CSF2RB: variants seen among roughly 807,000 people sequenced by gnomAD.
CSF2RB encodes colony stimulating factor 2 receptor subunit beta, also known as cytokine receptor common subunit beta.
Under a neutral mutation model 67.2 loss-of-function variants are expected in CSF2RB, and 22 were observed. That is an observed-to-expected ratio of 0.33 (90% CI 0.23 to 0.47). The LOEUF (loss-of-function observed/expected upper bound fraction) is 0.47, where lower values mean the gene tolerates loss of function less well. Ranked by LOEUF, CSF2RB falls within the 20% of genes least tolerant of loss-of-function variation. The pLI is 1.00. For synonymous variants in CSF2RB, 507 were observed against 482.9 expected, an observed-to-expected ratio of 1.05 and a Z score of -0.65; for missense variants, 1,113 against 1,174.5, an observed-to-expected ratio of 0.95 and a Z score of 0.76.
rs545314007 is a variant in CSF2RB at position 36,920,113 on chromosome 22, T to G, written c.-172-1923T>G. 8.5e-5 allele frequency among the ~76,000 whole-genome samples: 13 copies of G among 152,344 alleles called. 1 individual carries two copies. In the South Asian group the frequency reaches 1.9e-3, roughly 22 times the overall value. ...GGAGCTTCTAGTGGTAACCTATACA[T>G]AGATGTATTCATATCCGTAAAACCT... On this transcript the variant is annotated intron_variant, in intron 1 of 13. Transcript: ENST00000403662.
At position 36,937,596 on chromosome 22, in the gene CSF2RB, G is replaced by A. The variant is rs761125886; in HGVS notation, c.1788G>A (p.Pro596=). The A allele has an allele frequency of 1.2e-5, 19 of 1,587,530 alleles. No homozygotes were observed. The highest frequency in any genetic ancestry group is 7.2e-5 in the Admixed American group (4 of 55,402). Residue 596 remains proline (P), a synonymous_variant, in exon 14 of 14, where the codon CCG becomes CCA. Transcript: ENST00000403662. The surrounding 1 kb of genome is among the most constrained non-coding windows in gnomAD (Gnocchi z 4.6). The stretch of plus-strand genomic sequence containing the variant: ...ACTTCAATGGGCCCTACCTGGGGCC[G>A]CCCCACAGCCGCTCCCTACCTGACA... ...SFDFNGPYLG[P]PHSRSLPDIL...
chr22:36,922,851 G>C, intron 2 of CSF2RB: 1 of 318,636 alleles, frequency 3.1e-6, no homozygotes, highest in Non-Finnish European at 6.0e-6. Context: ...GTGGGAGGTT[G>C]CAGGGTAGAA....
At chr22:36,923,538 C>T (rs1046576019) in intron 3 of CSF2RB, among the ~76,000 whole-genome samples, 171 bp downstream of exon 3, 3 of 152,184 alleles carry the variant, frequency 2.0e-5, no homozygotes, top group East Asian at 1.9e-4. Flanking sequence ...CAGGCACCTG[C>T]GAGGCCGGGT....
rs544240259 is a variant in CSF2RB at position 36,923,092 on chromosome 22, T to A, written c.77-152T>A. 145 of 1,100,424 alleles carry A rather than the reference T, an allele frequency of 1.3e-4. 1 individual carries two copies. The highest frequency in any genetic ancestry group is 8.4e-4 in the South Asian group (62 of 74,046). The allele number at this position is 1,100,424 out of a possible 1,614,324, so 68.2% of individuals were successfully genotyped here. The stretch of plus-strand genomic sequence containing the variant: ...AACCAGGAGCCCACCCCGGCAGACA[T>A]GAACACATGTACATGTGCCTGGCCA... On this transcript the variant is annotated intron_variant, in intron 2 of 13. Coordinates refer to ENST00000403662, the MANE Select transcript of CSF2RB (RefSeq NM_000395.3).
chr22:36,938,927 G>A lies in CSF2RB; in HGVS notation c.*425G>A. 3.4e-6 allele frequency: 2 copies of A among 594,184 alleles called. No individual in the cohort carries two copies. Among genetic ancestry groups the A allele is most frequent in the Non-Finnish European group, 6.0e-6 (2 of 332,686 alleles). The allele number at this position is 594,184 out of a possible 1,614,324, so 36.8% of individuals were successfully genotyped here. Reference sequence around the variant, plus strand: ...CTGAGATGCGGCTGGTTGTGTTGAGGACTTGTGTGGGCTGCCTGTCCCCGG... The same window carrying A: ...CTGAGATGCGGCTGGTTGTGTTGAGAACTTGTGTGGGCTGCCTGTCCCCGG... On this transcript the variant is annotated 3_prime_UTR_variant, in exon 14 of 14. Coordinates refer to ENST00000403662, the MANE Select transcript of CSF2RB (RefSeq NM_000395.3).
In CSF2RB at chr22:36,938,692, GACACACACACACAC is replaced by G. The variant is rs555525962; in HGVS notation, c.*193_*206del. The G allele has an allele frequency of 2.0e-5, 12 of 592,198 alleles. No homozygotes were observed. The Admixed American group carries it at 2.1e-4, about 10-fold the overall frequency. The allele number at this position is 592,198 out of a possible 1,614,324, so 36.7% of individuals were successfully genotyped here. On this transcript the variant is annotated 3_prime_UTR_variant, in exon 14 of 14. Transcript: ENST00000403662. ...TCACTTCTCTCCCTGCGCTCACACA[GACACACACACACAC>G]ACGTACATGCACACATTTTTCCTGT...
chr22:36,932,009 G>A (rs117511880), intron 8 of CSF2RB, among the ~76,000 whole-genome samples: 3,375 of 152,278 alleles, frequency 0.022, 41 homozygotes, highest in Middle Eastern at 0.044. Context: ...CTTTCCTTAG[G>A]GCAAGTTACT....
chr22:36,929,057 C>A (rs114014102), intron 4 of CSF2RB, among the ~76,000 whole-genome samples: 2 of 152,302 alleles, frequency 1.3e-5, no homozygotes, highest in African/African-American at 4.8e-5. Flanking sequence ...GCCGCTGAAC[C>A]GCAGGCCCCT....
At chr22:36,930,853 G>T (rs772019495) in intron 8 of CSF2RB, 23 bp downstream of exon 8, 41 of 1,613,858 alleles carry the variant, frequency 2.5e-5, no homozygotes, top group Non-Finnish European at 3.4e-5. Flanking sequence ...CTAGCCCGCT[G>T]TGGGGATGGT....
Position 36,939,467 on chromosome 22 carries a change from A to AT in CSF2RB, c.*966dup. On this transcript the variant is annotated 3_prime_UTR_variant, in exon 14 of 14. Transcript: ENST00000403662. ...CAACTCTCCCTCCCACCGGCCACAG[A>AT]TGAGGGGCTGCTGATCTATGCCTGG... 1.8e-6 allele frequency: 1 copy of AT among 544,130 alleles called. No individual in the cohort carries two copies. The highest frequency in any genetic ancestry group is 3.3e-6 in the Non-Finnish European group (1 of 301,752). 33.7% of individuals were successfully genotyped at this position (544,130 alleles called of 1,614,324 possible).
rs753691107 is a variant in CSF2RB at position 36,933,867 on chromosome 22, C to T, written c.1188C>T (p.Ser396=). 32 of 1,610,446 alleles carry T rather than the reference C, an allele frequency of 2.0e-5. No homozygotes were observed. In the Middle Eastern group the frequency reaches 8.2e-4, roughly 41 times the overall value. Residue 396 remains serine, a synonymous_variant, in exon 10 of 14, where the codon AGC becomes AGT. Transcript: ENST00000403662. The part of the protein sequence containing the change: ...SKTETLQNAH[S]MALPALEPST... ...CCGAGACCCTCCAGAACGCCCACAG[C>T]ATGGCCCTGCCAGCCCTGGAGCCCT...
In CSF2RB at chr22:36,932,881, A is replaced by C; in HGVS notation, c.1129A>C (p.Arg377=). 6.2e-7 allele frequency: 1 copy of C among 1,614,158 alleles called. No individual in the cohort carries two copies. The highest frequency in any genetic ancestry group is 2.2e-5 in the East Asian group (1 of 44,890). Residue 377 remains arginine, a synonymous_variant, in exon 9 of 14, where the codon AGG becomes CGG. Coordinates refer to ENST00000403662, the MANE Select transcript of CSF2RB (RefSeq NM_000395.3). The part of the protein sequence containing the change: ...HIDHTFEIQY[R]KDTATWKDSK... ...AGACCACACATTTGAGATCCAGTAC[A>C]GGAAAGACACGGCCACGTGGAAGGT... is the stretch of plus-strand genomic sequence containing the variant.
rs1941273889 is a variant in CSF2RB at position 36,936,651 on chromosome 22, G to A, written c.1567G>A (p.Gly523Arg). Residue 523 changes from glycine to arginine, a missense_variant and splice_region_variant, in exon 13 of 14, where the codon GGG (glycine) becomes AGG (arginine). By Grantham distance (125) the Gly-to-Arg change is moderately radical (BLOSUM62 -2). Around this residue, in one of 2 missense-constraint regions of CSF2RB, gnomAD observed 554 missense variants for 517.9 expected, o/e 1.07. Coordinates refer to ENST00000403662, the MANE Select transcript of CSF2RB (RefSeq NM_000395.3). ...PWGSRFPELE[G>R]VFPVGFGDSE... is the part of the protein sequence containing the mutation. ...GGGCAGCCGCTTCCCTGAGCTGGAGGGGTGAGTGGGCTCGTGGATCACTCC... is the reference window on the plus strand; with the variant it reads ...GGGCAGCCGCTTCCCTGAGCTGGAGAGGTGAGTGGGCTCGTGGATCACTCC... 3 of 1,612,402 alleles carry A rather than the reference G, an allele frequency of 1.9e-6. No homozygotes were observed. The highest frequency in any genetic ancestry group is 2.5e-6 in the Non-Finnish European group (3 of 1,179,292).
chr22:36,924,127 G>T (rs114063448), intron 3 of CSF2RB, among the ~76,000 whole-genome samples: 1 of 112,268 alleles, frequency 8.9e-6, no homozygotes. Context: ...CCCCTCCACC[G>T]CCTTCAGTTC....
rs5750339 is a variant in CSF2RB at position 36,923,547 on chromosome 22, G to C, written c.200+180G>C. ...CTCCGCCAGGCACCTGCGAGGCCGG[G>C]TGCTGCCGTCTGACCTGGGGTTTCT... On this transcript the variant is annotated intron_variant, in intron 3 of 13. Coordinates refer to ENST00000403662, the MANE Select transcript of CSF2RB (RefSeq NM_000395.3). Among the ~76,000 whole-genome samples the C allele has an allele frequency of 0.51, 77,960 of 152,124 alleles. 20,723 individuals carry two copies. The highest frequency in any genetic ancestry group is 0.62 in the Admixed American group (9,460 of 15,302).
At chr22:36,930,612 A>T (rs1038250280) in intron 7 of CSF2RB, 61 bp from the exon 8 acceptor site, 38 of 1,610,896 alleles carry the variant, frequency 2.4e-5, no homozygotes, top group Non-Finnish European at 3.2e-5. Context: ...GCCCACCCTA[A>T]GCTCTCCTCC....
chr22:36,923,683 G>A, intron 3 of CSF2RB: 1 of 1,353,722 alleles, frequency 7.4e-7, no homozygotes, highest in Non-Finnish European at 9.7e-7. Flanking sequence ...ACCTATCTTA[G>A]TTCCTCCTCA....
At chr22:36,921,975 C>T (rs368113567) in intron 1 of CSF2RB, 61 bp from the exon 2 acceptor site, 8 of 592,362 alleles carry the variant, frequency 1.4e-5, no homozygotes, top group Non-Finnish European at 1.8e-5. Context: ...ACAACACGGG[C>T]GGTGTCCCTG....
rs758280492 is a variant in CSF2RB, at chr22:36,938,055, C to T, written c.2247C>T (p.Ala749=). 1 of 1,614,088 alleles carries T rather than the reference C, an allele frequency of 6.2e-7. No individual in the cohort carries two copies. The highest frequency in any genetic ancestry group is 2.2e-5 in the East Asian group (1 of 44,874). The change falls in exon 14 of 14, where the codon GCC becomes GCT. Residue 749 remains alanine (A), a synonymous_variant. Transcript: ENST00000403662. ...DQTPSLCPGL[A]SGPPGAPGPV... ...CCCCCAGCTTATGTCCTGGGCTGGC[C>T]AGTGGACCCCCTGGAGCCCCAGGCC...
Sources: allele counts gnomAD v4.1 joint callset (sites outside exome capture counted in the v4.1 genomes callset), GRCh38; gene constraint gnomAD v4.1.1; regional missense constraint gnomAD v4.1.1; non-coding constraint Gnocchi (gnomAD v3.1); transcripts MANE v1.5; gene names NCBI Gene and HGNC (gene_info 2026-07-23, HGNC 2026-07-21).